ENPP2: variants seen among roughly 807,000 people sequenced by gnomAD.
ENPP2 encodes ectonucleotide pyrophosphatase/phosphodiesterase 2, also known as autotaxin.
A neutral mutation model predicts 120.2 loss-of-function variants in ENPP2; 51 were observed. The observed-to-expected ratio is 0.42, with a 90% CI of 0.34 to 0.54. The LOEUF (loss-of-function observed/expected upper bound fraction) is 0.54. Among genes scored for constraint, ENPP2 ranks in the 20% least tolerant of loss-of-function variants. The pLI is 0.04. For synonymous variants in ENPP2, 365 were observed against 366.4 expected (o/e 1.00, Z 0.04); for missense variants, 920 against 1,066.5 (o/e 0.86, Z 1.91).
chr8:119,622,102 T>C (rs1354184437), intron 3 of ENPP2, among the ~76,000 whole-genome samples: 1 of 152,158 alleles, frequency 6.6e-6, no homozygotes, highest in African/African-American at 2.4e-5. Flanking sequence ...CTAATTTTTG[T>C]ATTTTTAGTA....
chr8:119,594,905 C>T (rs1813780581), intron 11 of ENPP2, among the ~76,000 whole-genome samples: 1 of 152,212 alleles, frequency 6.6e-6, no homozygotes, highest in Non-Finnish European at 1.5e-5. Flanking sequence ...GACCTTTCCT[C>T]CTGTTATTTC....
In ENPP2 at chr8:119,619,228, C is replaced by T; in HGVS notation, c.479+16G>A. The T allele has an allele frequency of 6.3e-7, 1 of 1,582,384 alleles. No homozygotes were observed. Among genetic ancestry groups the T allele is most frequent in the Non-Finnish European group, 8.7e-7 (1 of 1,152,602 alleles). On this transcript the variant is annotated intron_variant, in intron 5 of 24. Coordinates refer to ENST00000075322, the MANE Select transcript of ENPP2 (RefSeq NM_001040092.3). The stretch of plus-strand genomic sequence containing the variant: ...CTAATACATAAAACTTCAAAATAGT[C>T]ATAAAATACACTTACCCTGCAGGGC...
intron 10 of ENPP2, 97 bp from the exon 11 acceptor site, chr8:119,600,847 C>T: frequency 5.1e-6 from 4 of 783,736 alleles, no homozygotes; most frequent in Non-Finnish European, 8.5e-6. Context: ...AAAATGTTCT[C>T]AAGTTTAATT....
chr8:119,579,604 C>A (rs1486029424), intron 19 of ENPP2, among the ~76,000 whole-genome samples: 1 of 150,656 alleles, frequency 6.6e-6, no homozygotes, highest in East Asian at 1.9e-4. Context: ...TGCGAAAGTT[C>A]ACTAATACGT....
intron 15 of ENPP2, among the ~76,000 whole-genome samples, chr8:119,584,994 A>C (rs1034994771): frequency 3.9e-5 from 6 of 152,210 alleles, no homozygotes; most frequent in African/African-American, 1.4e-4. Flanking sequence ...ATTGTTAACC[A>C]ACATGCCTGG....
chr8:119,581,945 C>G (rs542494577), intron 18 of ENPP2, among the ~76,000 whole-genome samples: 1 of 152,094 alleles, frequency 6.6e-6, no homozygotes, highest in Admixed American at 6.5e-5. Flanking sequence ...GTTGACCAAG[C>G]TGGTCTGGAA....
chr8:119,644,032 G>A (rs1315737633), intron 1 of ENPP2, among the ~76,000 whole-genome samples: 2 of 152,130 alleles, frequency 1.3e-5, no homozygotes, highest in Non-Finnish European at 1.5e-5. Flanking sequence ...TGAGTATAGA[G>A]AGAAGTGAGA....
At chr8:119,643,150 C>T (rs1817332948), upstream of ENPP2, among the ~76,000 whole-genome samples, 1 of 152,186 alleles carries the variant, frequency 6.6e-6, no homozygotes, top group African/African-American at 2.4e-5. Flanking sequence ...CTTATTCTAT[C>T]TTAAAAGTCT....
intron 24 of ENPP2, among the ~76,000 whole-genome samples, chr8:119,558,396 C>T (rs1418270506): frequency 6.6e-6 from 1 of 151,984 alleles, no homozygotes. Flanking sequence ...CTGCAGCTCC[C>T]TGGGAGGTTA....
At chr8:119,560,370 C>A (rs1813834655) in intron 24 of ENPP2, among the ~76,000 whole-genome samples, 2 of 152,120 alleles carry the variant, frequency 1.3e-5, no homozygotes, top group African/African-American at 4.8e-5. Context: ...TGTAAACAAC[C>A]AAAATTGAGA....
chr8:119,643,969 A>T (rs1817355869), intron 1 of ENPP2, among the ~76,000 whole-genome samples: 1 of 152,160 alleles, frequency 6.6e-6, no homozygotes, highest in Admixed American at 6.5e-5. Flanking sequence ...GAGGTATGGC[A>T]CATCCACGAG....
rs73714485 is a variant in ENPP2 at position 119,623,112 on chromosome 8, C to T, written c.293-1593G>A. On this transcript the variant is annotated intron_variant, in intron 3 of 24. Coordinates refer to ENST00000075322, the MANE Select transcript of ENPP2 (RefSeq NM_001040092.3). ...GAAAGAAATGATTTTTAAAGCAATC[C>T]TGCCTCTTAGTAATATTCTACCAAG... Among the ~76,000 whole-genome samples, 489 of 152,192 alleles carry T rather than the reference C, an allele frequency of 3.2e-3. 3 individuals carry two copies. The highest frequency in any genetic ancestry group is 0.011 in the African/African-American group (462 of 41,516).
At chr8:119,617,296 T>G in intron 6 of ENPP2, 53 bp from the exon 7 acceptor site, 4 of 1,420,108 alleles carry the variant, frequency 2.8e-6, no homozygotes, top group Non-Finnish European at 4.0e-6. Flanking sequence ...GAATTGCTTA[T>G]AGAAAATCCA....
chr8:119,560,204 T>C (rs1813818801), intron 24 of ENPP2, among the ~76,000 whole-genome samples: 4 of 152,210 alleles, frequency 2.6e-5, no homozygotes, highest in Admixed American at 2.6e-4. Context: ...CTTTTCATCT[T>C]AGAACTGTAT....
intron 1 of ENPP2, among the ~76,000 whole-genome samples, chr8:119,670,023 T>C (rs1347900131): frequency 6.6e-6 from 1 of 152,204 alleles, no homozygotes; most frequent in African/African-American, 2.4e-5. Context: ...ATCAAGCTTA[T>C]CCAAGGACTC....
At chr8:119,557,768 C>A in intron 24 of ENPP2, 77 bp from the exon 25 acceptor site, 1 of 1,246,120 alleles carries the variant, frequency 8.0e-7, no homozygotes, top group Non-Finnish European at 1.1e-6. Flanking sequence ...TACTCCAAGT[C>A]CACAAATGAC....
At chr8:119,652,556 G>T (rs1046369722) in intron 1 of ENPP2, among the ~76,000 whole-genome samples, 1 of 152,174 alleles carries the variant, frequency 6.6e-6, no homozygotes, top group Non-Finnish European at 1.5e-5. Context: ...GCAGAATTGA[G>T]ATCCCTCTTC....
chr8:119,635,313 A>G (rs770424620), intron 2 of ENPP2, among the ~76,000 whole-genome samples: 10 of 152,252 alleles, frequency 6.6e-5, no homozygotes, highest in Non-Finnish European at 1.2e-4. Context: ...ACAATGATGA[A>G]TTAAACTGAG....
At chr8:119,564,576 G>A (rs1163874857) in intron 23 of ENPP2, among the ~76,000 whole-genome samples, 1 of 152,006 alleles carries the variant, frequency 6.6e-6, no homozygotes, top group Admixed American at 6.6e-5. Context: ...TACTCAGGAG[G>A]CTGAAGCAGG....
Sources: allele counts gnomAD v4.1 joint callset (sites outside exome capture counted in the v4.1 genomes callset), GRCh38; gene constraint gnomAD v4.1.1; transcripts MANE v1.5; gene names NCBI Gene and HGNC (gene_info 2026-07-23, HGNC 2026-07-21).